STAG1: variants seen among roughly 807,000 people sequenced by gnomAD.
STAG1 encodes the protein cohesin subunit SA-1.
In STAG1, 26 loss-of-function variants were observed where a neutral mutation model predicts 170.9. That is an observed-to-expected ratio of 0.15 (90% CI 0.11 to 0.21). The LOEUF is 0.21. Among genes scored for constraint, STAG1 ranks in the 10% least tolerant of loss-of-function variants. STAG1 has a pLI of 1.00. For missense variants in STAG1, 964 were observed against 1,509.5 expected (o/e 0.64, Z 5.99); for synonymous variants, 514 against 497.7 (o/e 1.03, Z -0.44).
At chr3:136,606,093 C>T (rs1378420617) in intron 3 of STAG1, among the ~76,000 whole-genome samples, 2 of 151,732 alleles carry the variant, frequency 1.3e-5, no homozygotes, top group Non-Finnish European at 2.9e-5. Flanking sequence ...TTCCTAAATA[C>T]ATATAGTTAC....
intron 3 of STAG1, among the ~76,000 whole-genome samples, chr3:136,607,224 C>T (rs1450688995): frequency 6.6e-6 from 1 of 152,102 alleles, no homozygotes; most frequent in South Asian, 2.1e-4. Flanking sequence ...CTATGTATAG[C>T]CCACATTTAA....
At chr3:136,385,048 C>T (rs2086834942) in intron 22 of STAG1, among the ~76,000 whole-genome samples, 1 of 152,182 alleles carries the variant, frequency 6.6e-6, no homozygotes, top group Non-Finnish European at 1.5e-5. Context: ...ATCTACTTCT[C>T]TTAGTTCATA....
chr3:136,376,706 G>T (rs775225787), intron 23 of STAG1, among the ~76,000 whole-genome samples: 30 of 152,144 alleles, frequency 2.0e-4, no homozygotes, highest in Admixed American at 4.6e-4. Flanking sequence ...AAACTTAACT[G>T]GTGTGGGAAG....
intron 1 of STAG1, among the ~76,000 whole-genome samples, chr3:136,655,460 T>C (rs1559933025): frequency 2.0e-5 from 3 of 152,098 alleles, no homozygotes; most frequent in Admixed American, 1.3e-4. Context: ...AGGATGGCTA[T>C]AATAAAAAAA....
At chr3:136,536,460 T>C (rs988619324) in intron 6 of STAG1, among the ~76,000 whole-genome samples, 3 of 151,854 alleles carry the variant, frequency 2.0e-5, no homozygotes, top group Admixed American at 2.0e-4. Flanking sequence ...ACTATGGACT[T>C]AGGGCCAGGC....
chr3:136,349,865 A>C (rs1487717600), intron 28 of STAG1, among the ~76,000 whole-genome samples: 1 of 152,190 alleles, frequency 6.6e-6, no homozygotes, highest in Non-Finnish European at 1.5e-5. Flanking sequence ...TTTATTCAAG[A>C]AAATCTGGCC....
At chr3:136,572,035 A>G (rs1375886181) in intron 4 of STAG1, among the ~76,000 whole-genome samples, 1 of 151,810 alleles carries the variant, frequency 6.6e-6, no homozygotes. Context: ...ATACCAACAA[A>G]AAGACAGAAA....
intron 3 of STAG1, among the ~76,000 whole-genome samples, chr3:136,619,600 T>C (rs1337742807): frequency 6.6e-6 from 1 of 151,140 alleles, no homozygotes; most frequent in African/African-American, 2.4e-5. Context: ...CTACTAAAAA[T>C]ACAAAGATTA....
At position 136,477,280 on chromosome 3, in the gene STAG1, G is replaced by C. The variant is rs768784084; in HGVS notation, c.1026+9C>G. The C allele has an allele frequency of 9.3e-6, 15 of 1,607,686 alleles. No homozygotes were observed. The highest frequency in any genetic ancestry group is 1.2e-5 in the Non-Finnish European group (14 of 1,177,576). On this transcript the variant is annotated intron_variant, in intron 10 of 33. Transcript: ENST00000383202. ...AACTTCCATCAAAGCTTAGAACAGA[G>C]TAACTTACCCTGTCATGAAGAGTCC...
In STAG1 at chr3:136,425,968, T is replaced by A. The variant is rs544077648; in HGVS notation, c.1651-2924A>T. ...TCTTGTTTCATTAATTATCTCTCAG[T>A]TTTTTTTTTCTATGGCATTTTAGGG... On this transcript the variant is annotated intron_variant, in intron 16 of 33. Transcript: ENST00000383202. Among the ~76,000 whole-genome samples, 182 of 147,894 alleles carry A rather than the reference T, an allele frequency of 1.2e-3. 1 individual carries two copies. Among genetic ancestry groups the A allele is most frequent in the Admixed American group, 2.6e-3 (39 of 14,758 alleles).
In STAG1 at chr3:136,452,056, C is replaced by T; in HGVS notation, c.1405G>A (p.Val469Ile). The T allele has an allele frequency of 6.2e-7, 1 of 1,610,546 alleles. No homozygotes were observed. Among genetic ancestry groups the T allele is most frequent in the Non-Finnish European group, 8.5e-7 (1 of 1,178,332 alleles). The change falls in exon 14 of 34, where the codon GTT becomes ATT. Residue 469 changes from valine to isoleucine, a missense_variant. By Grantham distance (29) the Val-to-Ile change is conservative. Transcript: ENST00000383202. The stretch of plus-strand genomic sequence containing the variant: ...ACCTCACTTTCAAGAAAGAAAAGAA[C>T]CAGCATCCTAATGAGGTTTCCATTC... ...SPNGNLIRML[V>I]LFFLESELHE...
intron 9 of STAG1, among the ~76,000 whole-genome samples, chr3:136,487,572 C>T (rs2090042569): frequency 6.6e-6 from 1 of 152,160 alleles, no homozygotes; most frequent in Admixed American, 6.6e-5. Flanking sequence ...TATAAAAACT[C>T]CCTGGGTAAC....
chr3:136,596,672 T>C (rs1249030081), intron 4 of STAG1, among the ~76,000 whole-genome samples: 2 of 152,242 alleles, frequency 1.3e-5, no homozygotes, highest in African/African-American at 4.8e-5. Context: ...TACTGTAGCA[T>C]CATGTGTTAT....
chr3:136,506,115 T>C (rs1450642536), intron 7 of STAG1, among the ~76,000 whole-genome samples: 1 of 152,038 alleles, frequency 6.6e-6, no homozygotes, highest in Non-Finnish European at 1.5e-5. Flanking sequence ...TGTGAAACAG[T>C]CTGAATTAGA....
At chr3:136,687,180 T>A (rs1349084201) in intron 1 of STAG1, among the ~76,000 whole-genome samples, 1 of 152,254 alleles carries the variant, frequency 6.6e-6, no homozygotes, top group East Asian at 1.9e-4. Context: ...TCCATGCATA[T>A]GGTTGACTAC....
chr3:136,662,876 A>G (rs1012918386), intron 1 of STAG1, among the ~76,000 whole-genome samples: 6 of 152,160 alleles, frequency 3.9e-5, no homozygotes, highest in Admixed American at 1.3e-4. Flanking sequence ...ACATGGTGAA[A>G]TCGCATCTCT....
intron 1 of STAG1, among the ~76,000 whole-genome samples, chr3:136,648,991 A>C (rs1452308242): frequency 2.0e-5 from 3 of 152,216 alleles, no homozygotes; most frequent in Non-Finnish European, 2.9e-5. Flanking sequence ...ATAGCAAGCA[A>C]AAATTTTAAG....
In STAG1 at chr3:136,672,874, A is replaced by C. The variant is rs77027142; in HGVS notation, c.-83-41893T>G. ...CTAAACAAATAATTTGGACAGAAGAAAAATTACTATTATGCAGCACATACT... is the reference window on the plus strand; with the variant it reads ...CTAAACAAATAATTTGGACAGAAGACAAATTACTATTATGCAGCACATACT... On this transcript the variant is annotated intron_variant, in intron 1 of 33. Coordinates refer to ENST00000383202, the MANE Select transcript of STAG1 (RefSeq NM_005862.3). 6.5e-3 allele frequency among the ~76,000 whole-genome samples: 990 copies of C among 152,326 alleles called. 12 individuals carry two copies. The highest frequency in any genetic ancestry group is 0.023 in the African/African-American group (941 of 41,580).
chr3:136,464,198 C>A (rs907143190), intron 13 of STAG1, among the ~76,000 whole-genome samples: 6 of 151,298 alleles, frequency 4.0e-5, no homozygotes, highest in Non-Finnish European at 5.9e-5. Context: ...CTGAGGCGGG[C>A]GGATTACCTG....
Sources: allele counts gnomAD v4.1 joint callset (sites outside exome capture counted in the v4.1 genomes callset), GRCh38; gene constraint gnomAD v4.1.1; transcripts MANE v1.5; gene names NCBI Gene and HGNC (gene_info 2026-07-23, HGNC 2026-07-21).